LAMA3: variants seen among roughly 807,000 people sequenced by gnomAD.
The protein encoded by LAMA3 is laminin subunit alpha-3.
A neutral mutation model predicts 402.0 loss-of-function variants in LAMA3; 281 were observed. The observed-to-expected ratio is 0.70, with a 90% confidence interval of 0.63 to 0.77. LAMA3 has a LOEUF of 0.77. LAMA3 is among the 30% of genes least tolerant of loss of function. The pLI is 0.00. For synonymous variants in LAMA3, 1,431 were observed against 1,558.4 expected, an observed-to-expected ratio of 0.92 and a Z score of 1.93; for missense variants, 3,840 against 4,215.5, an observed-to-expected ratio of 0.91 and a Z score of 2.47.
At chr18:23,729,122 A>ATGTGTGTG (rs72333694) in intron 2 of LAMA3, among the ~76,000 whole-genome samples, 1 of 146,972 alleles carries the variant, frequency 6.8e-6, no homozygotes, top group South Asian at 2.2e-4. Flanking sequence ...TTGTGTGTGT[A>ATGTGTGTG]TGTGTGTGTG....
At chr18:23,880,994 C>T (rs2064877454) in intron 39 of LAMA3, among the ~76,000 whole-genome samples, 1 of 152,000 alleles carries the variant, frequency 6.6e-6, no homozygotes, top group Non-Finnish European at 1.5e-5. Context: ...TAAAATTATA[C>T]TTATTCCAGC....
chr18:23,890,246 G>A (rs2080613483), intron 42 of LAMA3, 129 bp downstream of exon 42: 4 of 715,866 alleles, frequency 5.6e-6, no homozygotes, highest in South Asian at 3.0e-5. Context: ...TCCCCAGGAT[G>A]CATAATACAC....
At chr18:23,753,172 T>G (rs1188077845) in intron 5 of LAMA3, among the ~76,000 whole-genome samples, 2 of 152,222 alleles carry the variant, frequency 1.3e-5, no homozygotes, top group East Asian at 3.9e-4. Flanking sequence ...AAACTTTGAC[T>G]CTAGCCTTTT....
In LAMA3 at chr18:23,758,900, G is replaced by A. The variant is rs182817931; in HGVS notation, c.1063+389G>A. Among the ~76,000 whole-genome samples, 23 of 152,328 alleles carry A rather than the reference G, an allele frequency of 1.5e-4. No individual in the cohort carries two copies. In the East Asian group the frequency reaches 3.7e-3, roughly 24 times the overall value. ...GGTCCAGAGAAGACGGCAAGGTTGA[G>A]TCTAAACAGGGAGCTGGGAGTACTG... is the stretch of plus-strand genomic sequence containing the variant. On this transcript the variant is annotated intron_variant, in intron 7 of 74. Transcript: ENST00000313654.
intron 41 of LAMA3, among the ~76,000 whole-genome samples, chr18:23,887,214 C>G (rs2065099917): frequency 6.6e-6 from 1 of 152,140 alleles, no homozygotes; most frequent in Non-Finnish European, 1.5e-5. Flanking sequence ...GGACAGACAT[C>G]AAAACATGCC....
chr18:23,707,375 C>G (rs1257294964), intron 1 of LAMA3, among the ~76,000 whole-genome samples: 1 of 152,232 alleles, frequency 6.6e-6, no homozygotes, highest in Non-Finnish European at 1.5e-5. Flanking sequence ...GCAGAATCTT[C>G]TAGCCCTTTT....
intron 42 of LAMA3, among the ~76,000 whole-genome samples, chr18:23,891,934 T>A (rs773367933): frequency 8.5e-5 from 13 of 152,114 alleles, no homozygotes; most frequent in Non-Finnish European, 1.6e-4. Context: ...AGTAAGACTC[T>A]GAAGGGATGT....
intron 1 of LAMA3, among the ~76,000 whole-genome samples, chr18:23,705,903 A>G (rs2060880318): frequency 6.6e-6 from 1 of 152,190 alleles, no homozygotes; most frequent in Non-Finnish European, 1.5e-5. Context: ...TTATGTCTAA[A>G]TGTATGGTCT....
intron 19 of LAMA3, 87 bp from the exon 20 acceptor site, chr18:23,822,165 A>T: frequency 6.9e-7 from 1 of 1,446,690 alleles, no homozygotes; most frequent in Non-Finnish European, 9.7e-7. Flanking sequence ...TCCAGTAGTG[A>T]CACTTGAATA....
intron 69 of LAMA3, among the ~76,000 whole-genome samples, chr18:23,945,480 A>G (rs139222105): frequency 6.6e-6 from 1 of 152,162 alleles, no homozygotes; most frequent in Non-Finnish European, 1.5e-5. Flanking sequence ...AGCAGTTCAG[A>G]GCTGGGGGAG....
At chr18:23,939,689 G>T (rs2082431462) in intron 68 of LAMA3, among the ~76,000 whole-genome samples, 1 of 152,196 alleles carries the variant, frequency 6.6e-6, no homozygotes, top group African/African-American at 2.4e-5. Context: ...TTCTAAAGCT[G>T]CTGTTTATTT....
intron 2 of LAMA3, among the ~76,000 whole-genome samples, chr18:23,735,178 G>A (rs945048964): frequency 4.6e-5 from 7 of 152,194 alleles, no homozygotes; most frequent in South Asian, 4.1e-4. Flanking sequence ...GGCTCTCCCC[G>A]TTGTGCCATC....
chr18:23,848,739 A>G (rs2063879083), intron 32 of LAMA3, among the ~76,000 whole-genome samples: 1 of 152,180 alleles, frequency 6.6e-6, no homozygotes, highest in South Asian at 2.1e-4. Flanking sequence ...GCCACAAACA[A>G]CGCTAAAATA....
At position 23,932,228 on chromosome 18, in the gene LAMA3, G is replaced by A. The variant is rs1256558721; in HGVS notation, c.8645G>A (p.Arg2882Gln). Residue 2882 changes from arginine to glutamine, a missense_variant, in exon 66 of 75, where the codon CGG (arginine) becomes CAG (glutamine). Around this residue, in one of 3 missense-constraint regions of LAMA3, gnomAD observed 840 missense variants for 981.9 expected, o/e 0.86. Transcript: ENST00000313654. Reference protein sequence around the residue: ...SKRLKHISSSRQSLRLGGSNF... With the variant: ...SKRLKHISSSQQSLRLGGSNF... ...AGGCTAAAACACATTTCAAGTTCCC[G>A]GCAGTCTCTGCGTCTGGGCGGGAGC... The A allele has an allele frequency of 3.1e-6, 5 of 1,613,928 alleles. No individual in the cohort carries two copies. Among genetic ancestry groups the A allele is most frequent in the East Asian group, 4.5e-5 (2 of 44,890 alleles).
At chr18:23,724,507 A>G (rs2061265375) in intron 2 of LAMA3, among the ~76,000 whole-genome samples, 1 of 151,312 alleles carries the variant, frequency 6.6e-6, no homozygotes, top group Non-Finnish European at 1.5e-5. Flanking sequence ...TCCCCCTGAT[A>G]TGAGCTTCTG....
chr18:23,792,704 G>A (rs1351944805), intron 12 of LAMA3, among the ~76,000 whole-genome samples: 1 of 152,078 alleles, frequency 6.6e-6, no homozygotes, highest in Admixed American at 6.5e-5. Context: ...TTTTTTGCTT[G>A]AGGCAGAGCA....
chr18:23,738,446 T>G (rs1157384779), intron 2 of LAMA3, among the ~76,000 whole-genome samples: 1 of 152,120 alleles, frequency 6.6e-6, no homozygotes, highest in Non-Finnish European at 1.5e-5. Context: ...AAGCGGTTCC[T>G]TTTTTGTGGT....
At chr18:23,690,226 C>T (rs144556201) in intron 1 of LAMA3, among the ~76,000 whole-genome samples, 1 of 152,168 alleles carries the variant, frequency 6.6e-6, no homozygotes, top group African/African-American at 2.4e-5. Context: ...TGGTCAGGTT[C>T]GGGCTGGTGG....
intron 2 of LAMA3, among the ~76,000 whole-genome samples, chr18:23,739,439 C>T (rs1339999448): frequency 1.3e-5 from 2 of 152,154 alleles, no homozygotes; most frequent in African/African-American, 4.8e-5. Flanking sequence ...CTTCGTTATG[C>T]CCTTTAGAAA....
Sources: gnomAD v4.1 joint callset for allele counts (sites outside exome capture counted in the v4.1 genomes callset) on GRCh38, gnomAD v4.1.1 for gene constraint, gnomAD v4.1.1 regional missense constraint, MANE v1.5 for transcripts, NCBI Gene and HGNC (gene_info 2026-07-23, HGNC 2026-07-21) for gene names.